The following RNF185 variants were observed in gnomAD, a reference collection of about 807,000 sequenced individuals.
RNF185 encodes the protein E3 ubiquitin-protein ligase RNF185.
RNF185 carries 13 observed loss-of-function variants against 24.9 expected under a neutral mutation model. The observed-to-expected ratio is 0.52, with a 90% CI of 0.34 to 0.83. The LOEUF is 0.83. Ranked by LOEUF, RNF185 falls within the 40% of genes least tolerant of loss-of-function variation. The probability of loss-of-function intolerance (pLI) is 0.01; values close to 1 mark genes in which losing one functional copy is unlikely to be tolerated. For missense variants in RNF185, 184 were observed against 244.7 expected, an observed-to-expected ratio of 0.75 and a Z score of 1.65; for synonymous variants, 79 against 90.3, an observed-to-expected ratio of 0.88 and a Z score of 0.71.
chr22:31,181,498 T>C (rs1217549183), intron 1 of RNF185, among the ~76,000 whole-genome samples: 1 of 152,206 alleles, frequency 6.6e-6, no homozygotes, highest in Non-Finnish European at 1.5e-5. Flanking sequence ...CTGGAGTATT[T>C]TAAAGCAAAT....
chr22:31,196,856 T>G, intron 4 of RNF185, 80 bp from the exon 5 acceptor site: 1 of 1,575,064 alleles, frequency 6.3e-7, no homozygotes. Flanking sequence ...CTGACCCTGT[T>G]GGTAAAGAGC....
chr22:31,176,301 G>A (rs922959235), intron 1 of RNF185, among the ~76,000 whole-genome samples: 5 of 147,404 alleles, frequency 3.4e-5, no homozygotes, highest in Admixed American at 6.8e-5. Context: ...CAGTGGGCTC[G>A]CTGCAGCCTC....
chr22:31,165,781 T>G (rs1000876471), intron 1 of RNF185, among the ~76,000 whole-genome samples: 3 of 152,186 alleles, frequency 2.0e-5, no homozygotes, highest in African/African-American at 7.2e-5. Flanking sequence ...TGGGTGCCAC[T>G]CTGCTGTATG....
intron 2 of RNF185, among the ~76,000 whole-genome samples, chr22:31,192,419 T>G (rs1231041138): frequency 6.6e-6 from 1 of 152,166 alleles, no homozygotes; most frequent in East Asian, 1.9e-4. Flanking sequence ...TCACATATAC[T>G]GAGATCTCAG....
chr22:31,195,459 C>T lies in RNF185; in HGVS notation c.196-10C>T, dbSNP rs1354490317. 1 of 1,584,924 alleles carries T rather than the reference C, an allele frequency of 6.3e-7. No individual in the cohort carries two copies. The highest frequency in any genetic ancestry group is 1.2e-5 in the South Asian group (1 of 86,898). ...GGCCATCCACATGCATTTTTCTCTC[C>T]TGTTTGCAGTGGTTGGAGACCAGAC... is the stretch of plus-strand genomic sequence containing the variant. On this transcript the variant is annotated splice_polypyrimidine_tract_variant and intron_variant, in intron 3 of 6. Transcript: ENST00000326132.
intron 1 of RNF185, among the ~76,000 whole-genome samples, chr22:31,184,592 C>T (rs1057499193): frequency 1.3e-5 from 2 of 152,128 alleles, no homozygotes; most frequent in Non-Finnish European, 2.9e-5. Context: ...TGTAGCGATC[C>T]GAGATCACGC....
At chr22:31,203,881 C>CA (rs1008373007) in intron 6 of RNF185, among the ~76,000 whole-genome samples, 36 of 146,796 alleles carry the variant, frequency 2.5e-4, no homozygotes, top group East Asian at 1.2e-3. Context: ...ACTAAAAATA[C>CA]AAAAAAAAAA....
At position 31,196,977 on chromosome 22, in the gene RNF185, C is replaced by T. The variant is rs766520075; in HGVS notation, c.350C>T (p.Pro117Leu). The part of the protein sequence containing the change: ...PPRPQGQRPE[P>L]ENRGGFQGFG... ...CGTCCTCAAGGACAGAGGCCAGAGC[C>T]GGAGAATAGAGGGGTGAGGAACATT... The change falls in exon 5 of 7, where the codon CCG becomes CTG. Residue 117 changes from proline to leucine, a missense_variant. Pro to Leu is a moderately conservative substitution (Grantham distance 98, BLOSUM62 -3). Transcript: ENST00000326132. The T allele has an allele frequency of 7.3e-5, 117 of 1,613,380 alleles. No individual in the cohort carries two copies. Among genetic ancestry groups the T allele is most frequent in the Non-Finnish European group, 9.2e-5 (108 of 1,179,656 alleles).
At chr22:31,174,572 C>CT (rs1424400154) in intron 1 of RNF185, among the ~76,000 whole-genome samples, 6 of 151,974 alleles carry the variant, frequency 3.9e-5, no homozygotes, top group Non-Finnish European at 1.5e-5. Flanking sequence ...GTGATGGAGT[C>CT]TCACTATATT....
intron 1 of RNF185, among the ~76,000 whole-genome samples, chr22:31,165,880 G>C (rs1311389334): frequency 6.6e-6 from 1 of 152,158 alleles, no homozygotes; most frequent in African/African-American, 2.4e-5. Context: ...AGTGCTCCTA[G>C]GCCTATCTTG....
At chr22:31,198,597 C>G (rs2048230084) in intron 5 of RNF185, among the ~76,000 whole-genome samples, 1 of 150,926 alleles carries the variant, frequency 6.6e-6, no homozygotes, top group Non-Finnish European at 1.5e-5. Context: ...CGAGGTTTCT[C>G]CATGTTGGTC....
intron 1 of RNF185, among the ~76,000 whole-genome samples, chr22:31,163,558 G>A (rs1464555502): frequency 6.6e-6 from 1 of 151,964 alleles, no homozygotes; most frequent in Non-Finnish European, 1.5e-5. Flanking sequence ...AAATCTCCGA[G>A]CTCAAATGAT....
chr22:31,192,092 A>C (rs1179514279), intron 2 of RNF185, among the ~76,000 whole-genome samples: 2 of 152,098 alleles, frequency 1.3e-5, no homozygotes, highest in East Asian at 3.9e-4. Context: ...CTATTACTTA[A>C]AGATGCTTTT....
intron 1 of RNF185, among the ~76,000 whole-genome samples, chr22:31,170,247 G>C (rs2047914819): frequency 6.6e-6 from 1 of 152,164 alleles, no homozygotes; most frequent in Non-Finnish European, 1.5e-5. Flanking sequence ...GGAGTGCAGT[G>C]GTGCAATCTC....
chr22:31,193,969 T>C (rs1308319602), intron 3 of RNF185, among the ~76,000 whole-genome samples: 2 of 143,486 alleles, frequency 1.4e-5, no homozygotes, highest in African/African-American at 5.2e-5. Context: ...CTCGGCTCAC[T>C]GGAACCTCCG....
chr22:31,182,894 G>T (rs2048052816), intron 1 of RNF185: 1 of 126,046 alleles, frequency 7.9e-6, no homozygotes, highest in South Asian at 2.6e-4. Flanking sequence ...TCTGTAAATA[G>T]GTAATTTATT....
intron 1 of RNF185, among the ~76,000 whole-genome samples, chr22:31,182,730 A>C (rs1288079142): frequency 6.7e-6 from 1 of 148,606 alleles, no homozygotes; most frequent in Non-Finnish European, 1.5e-5. Flanking sequence ...AGTGGTTGGA[A>C]TATCTCGTAT....
rs1298053696 is a variant in RNF185, at chr22:31,160,217, C to T, written c.-135C>T. 6.6e-6 allele frequency: 1 copy of T among 152,424 alleles called. No individual in the cohort carries two copies. The highest frequency in any genetic ancestry group is 1.5e-5 in the Non-Finnish European group (1 of 68,110). The allele number at this position is 152,424 out of a possible 1,614,324, so 9.4% of individuals were successfully genotyped here. A position where few individuals can be genotyped will look rare whatever the true frequency, so the allele number is the denominator to read the frequency against. The stretch of plus-strand genomic sequence containing the variant: ...AGTCCGCGTAGGAGGGGTCGGAGGT[C>T]TTACCCAACAGATTGACGCGGCGTT... On this transcript the variant is annotated 5_prime_UTR_variant, in exon 1 of 7. Transcript: ENST00000326132.
chr22:31,163,996 T>A (rs541380661), intron 1 of RNF185, among the ~76,000 whole-genome samples: 3 of 147,648 alleles, frequency 2.0e-5, no homozygotes, highest in East Asian at 2.0e-4. Flanking sequence ...TATTATTATT[T>A]TTTAGATGGA....
Sources: gnomAD v4.1 joint callset for allele counts (sites outside exome capture counted in the v4.1 genomes callset) on GRCh38, gnomAD v4.1.1 for gene constraint, MANE v1.5 for transcripts, NCBI Gene and HGNC (gene_info 2026-07-23, HGNC 2026-07-21) for gene names.